DRC11: variants seen among roughly 807,000 people sequenced by gnomAD.
DRC11 encodes the protein IQ and AAA domain-containing protein 1.
the DRC11 span, among the ~76,000 whole-genome samples, chr2:236,504,920 G>A: frequency 6.6e-6 from 1 of 152,192 alleles, no homozygotes; most frequent in Non-Finnish European, 1.5e-5. The surrounding 1 kb of genome is among the most constrained non-coding windows in gnomAD (Gnocchi z 5.0). Flanking sequence ...CTGCAGAACT[G>A]TTAGTCAATT....
chr2:236,409,818 A>G, the DRC11 span, among the ~76,000 whole-genome samples: 11 of 152,054 alleles, frequency 7.2e-5, no homozygotes, highest in Non-Finnish European at 1.2e-4. Context: ...TTTAGCATGA[A>G]GGGTTGCTGA....
chr2:236,372,838 T>TTGG, the DRC11 span, among the ~76,000 whole-genome samples: 1 of 152,206 alleles, frequency 6.6e-6, no homozygotes, highest in East Asian at 1.9e-4. This position sits in a 1 kb window ranked among gnomAD's most constrained non-coding sequence, Gnocchi z 4.5. Flanking sequence ...TCTCAAATAC[T>TTGG]TGGTCTCAAG....
the DRC11 span, chr2:236,493,877 T>A: frequency 2.5e-6 from 4 of 1,601,688 alleles, no homozygotes; most frequent in Admixed American, 6.9e-5. Flanking sequence ...TATGGGAATA[T>A]CTAATTGTTG....
At chr2:236,453,664 G>A in the DRC11 span, among the ~76,000 whole-genome samples, 1 of 151,548 alleles carries the variant, frequency 6.6e-6, no homozygotes, top group Non-Finnish European at 1.5e-5. This position sits in a 1 kb window ranked among gnomAD's most constrained non-coding sequence, Gnocchi z 4.9. Flanking sequence ...TTTTGAGATG[G>A]AGTCTCACTC....
the DRC11 span, among the ~76,000 whole-genome samples, chr2:236,436,446 C>T: frequency 1.6e-4 from 24 of 152,080 alleles, no homozygotes; most frequent in East Asian, 4.6e-3. Context: ...CAAACAATTT[C>T]TTTAGTAATT....
the DRC11 span, among the ~76,000 whole-genome samples, chr2:236,485,362 C>A: frequency 6.6e-6 from 1 of 151,992 alleles, no homozygotes; most frequent in African/African-American, 2.4e-5. Context: ...CTCACCAGGG[C>A]TCTGTATGTT....
the DRC11 span, among the ~76,000 whole-genome samples, chr2:236,475,312 C>T: frequency 6.6e-6 from 1 of 152,150 alleles, no homozygotes; most frequent in African/African-American, 2.4e-5. The surrounding 1 kb of genome is among the most constrained non-coding windows in gnomAD (Gnocchi z 4.8). Flanking sequence ...GATTTCATTA[C>T]TTTTTATGGC....
the DRC11 span, among the ~76,000 whole-genome samples, chr2:236,402,123 C>T: frequency 6.6e-6 from 1 of 152,228 alleles, no homozygotes; most frequent in Non-Finnish European, 1.5e-5. The surrounding 1 kb of genome is among the most constrained non-coding windows in gnomAD (Gnocchi z 6.0). Context: ...CAGCTCAGGG[C>T]TGGCAGCGGC....
chr2:236,357,373 T>TA, the DRC11 span, among the ~76,000 whole-genome samples: 1 of 107,904 alleles, frequency 9.3e-6, no homozygotes, highest in Non-Finnish European at 1.7e-5. Context: ...TATAAATATA[T>TA]TTATATAGTA....
At chr2:236,384,592 T>C in the DRC11 span, among the ~76,000 whole-genome samples, 2 of 152,202 alleles carry the variant, frequency 1.3e-5, no homozygotes, top group Admixed American at 6.5e-5. Context: ...TGCGAAAATT[T>C]TCTCCCATTT....
At chr2:236,320,758 T>C in the DRC11 span, among the ~76,000 whole-genome samples, 1 of 152,172 alleles carries the variant, frequency 6.6e-6, no homozygotes, top group African/African-American at 2.4e-5. Flanking sequence ...AATTGTCACA[T>C]AATGGCCCAG....
At chr2:236,318,480 G>A in the DRC11 span, among the ~76,000 whole-genome samples, 88 of 152,212 alleles carry the variant, frequency 5.8e-4, no homozygotes, top group African/African-American at 2.1e-3. This position sits in a 1 kb window ranked among gnomAD's most constrained non-coding sequence, Gnocchi z 7.0. Context: ...GCATGTGTGG[G>A]ATGTATGTAT....
chr2:236,491,246 G>GTATATATATATATATATA, the DRC11 span, among the ~76,000 whole-genome samples: 2 of 23,752 alleles, frequency 8.4e-5, no homozygotes, highest in African/African-American at 3.9e-4. Flanking sequence ...TATATACACA[G>GTATATATATATATATATA]TATATATATA....
At chr2:236,468,883 C>T in the DRC11 span, among the ~76,000 whole-genome samples, 1 of 152,204 alleles carries the variant, frequency 6.6e-6, no homozygotes, top group East Asian at 1.9e-4. Flanking sequence ...TCTGATGTTG[C>T]TTTTCTCCAA....
the DRC11 span, among the ~76,000 whole-genome samples, chr2:236,433,549 G>A: frequency 6.6e-6 from 1 of 152,154 alleles, no homozygotes; most frequent in African/African-American, 2.4e-5. Context: ...GCTAGCTACT[G>A]TTTGCATGCA....
chr2:236,308,033 G>A, the DRC11 span, among the ~76,000 whole-genome samples: 88 of 151,102 alleles, frequency 5.8e-4, no homozygotes, highest in African/African-American at 2.1e-3. This position sits in a 1 kb window ranked among gnomAD's most constrained non-coding sequence, Gnocchi z 6.0. Flanking sequence ...TTGCAGTGAC[G>A]CAGGCGTCCT....
the DRC11 span, among the ~76,000 whole-genome samples, chr2:236,400,393 C>G: frequency 6.6e-6 from 1 of 152,216 alleles, no homozygotes; most frequent in Non-Finnish European, 1.5e-5. The surrounding 1 kb of genome is among the most constrained non-coding windows in gnomAD (Gnocchi z 7.9). Flanking sequence ...CAGGCCATAG[C>G]TCTGCTCTGA....
chr2:236,459,616 A>C, the DRC11 span, among the ~76,000 whole-genome samples: 74,557 of 129,056 alleles, frequency 0.58, 23,738 homozygotes, highest in African/African-American at 0.85. Flanking sequence ...TACGTATATA[A>C]GTATATACAT....
the DRC11 span, chr2:236,344,454 C>T: frequency 4.0e-5 from 29 of 732,270 alleles, 1 homozygote; most frequent in South Asian, 8.9e-5. Flanking sequence ...TTTCCTTCCT[C>T]GCTTGAAAAG....
Sources: allele counts gnomAD v4.1 joint callset (sites outside exome capture counted in the v4.1 genomes callset), GRCh38; gene constraint gnomAD v4.1.1; non-coding constraint Gnocchi (gnomAD v3.1); transcripts MANE v1.5; gene names NCBI Gene and HGNC (gene_info 2026-07-23, HGNC 2026-07-21).